Variants in TRAM2 observed in about 807,000 individuals in gnomAD.
The protein encoded by TRAM2 is translocating chain-associated membrane protein 2.
TRAM2 carries 12 observed loss-of-function variants against 51.0 expected under a neutral mutation model. That is an observed-to-expected ratio of 0.24 (90% CI 0.15 to 0.38). TRAM2 has a LOEUF of 0.38. TRAM2 is among the 10% of genes least tolerant of loss of function. The pLI is 1.00. For synonymous variants in TRAM2, 175 were observed against 179.4 expected (o/e 0.98, Z 0.20); for missense variants, 361 against 462.0 (o/e 0.78, Z 2.00).
At chr6:52,564,232 G>A (rs950337195) in intron 1 of TRAM2, among the ~76,000 whole-genome samples, 14 of 152,128 alleles carry the variant, frequency 9.2e-5, no homozygotes, top group Admixed American at 2.6e-4. Flanking sequence ...CAAGTGCAAG[G>A]AGCCATGCCC....
chr6:52,505,843 G>A, intron 8 of TRAM2, 101 bp from the exon 9 acceptor site: 1 of 1,495,770 alleles, frequency 6.7e-7, no homozygotes. Context: ...AGGATTCAAG[G>A]GTGGCTGGGG....
At chr6:52,505,801 CCACTTCTCCAGAAGAGA>C in intron 8 of TRAM2, 59 bp from the exon 9 acceptor site, 1 of 1,546,034 alleles carries the variant, frequency 6.5e-7, no homozygotes, top group Non-Finnish European at 8.7e-7. Context: ...GAATCTTCAC[CCACTTCTCCAGAAGAGA>C]CCCCGAGTGG....
In TRAM2 at chr6:52,577,016, C is replaced by G. The variant is rs1352578806; in HGVS notation, c.-101G>C. 4.7e-6 allele frequency: 6 copies of G among 1,288,132 alleles called. No individual in the cohort carries two copies. In the East Asian group the frequency reaches 2.0e-4, roughly 43 times the overall value. 79.8% of individuals were successfully genotyped at this position (1,288,132 alleles called of 1,614,324 possible). On this transcript the variant is annotated 5_prime_UTR_variant, in exon 1 of 11. Transcript: ENST00000182527. ...GCCCGGTCCGCCCGCCGGCCCGCCG[C>G]CCGCTCTCCCACAGCCGCTCGCCCG... is the stretch of plus-strand genomic sequence containing the variant.
chr6:52,530,330 T>C (rs1766864536), intron 2 of TRAM2, among the ~76,000 whole-genome samples: 1 of 152,178 alleles, frequency 6.6e-6, no homozygotes, highest in African/African-American at 2.4e-5. Flanking sequence ...ACTGTGTGCA[T>C]CTCTCTGAAT....
At chr6:52,549,915 T>C (rs1376786117) in intron 1 of TRAM2, among the ~76,000 whole-genome samples, 1 of 152,204 alleles carries the variant, frequency 6.6e-6, no homozygotes, top group Admixed American at 6.5e-5. Flanking sequence ...AAAGTCCTAT[T>C]CTCAGAGATG....
At position 52,507,543 on chromosome 6, in the gene TRAM2, T is replaced by G; in HGVS notation, c.626+10A>C. The G allele has an allele frequency of 6.2e-7, 1 of 1,613,854 alleles. No homozygotes were observed. On this transcript the variant is annotated intron_variant, in intron 7 of 10. Coordinates refer to ENST00000182527, the MANE Select transcript of TRAM2 (RefSeq NM_012288.4). ...CAAGGAAATCTGGCTGGCTCCATGG[T>G]CTCACTCACTTTAAGAGGTATGCTC...
At chr6:52,508,020 T>G (rs1766380519) in intron 6 of TRAM2, among the ~76,000 whole-genome samples, 1 of 152,232 alleles carries the variant, frequency 6.6e-6, no homozygotes, top group African/African-American at 2.4e-5. Context: ...GCCACAGGTC[T>G]GGTGGAAGAG....
At chr6:52,508,114 T>C (rs1766382094) in intron 6 of TRAM2, 120 bp downstream of exon 6, 2 of 895,842 alleles carry the variant, frequency 2.2e-6, no homozygotes, top group Non-Finnish European at 3.4e-6. Context: ...CCCCAACATA[T>C]TCCTATCACC....
At position 52,505,684 on chromosome 6, in the gene TRAM2, C is replaced by G. The variant is rs377045665; in HGVS notation, c.790G>C (p.Val264Leu). ...GCCAGTCCAAAGCCAATGGCCAGCACGGCAAGGGTGAGGATGAAGAGGCGG... is the reference window on the plus strand; with the variant it reads ...GCCAGTCCAAAGCCAATGGCCAGCAGGGCAAGGGTGAGGATGAAGAGGCGG... ...VTRLFILTLA[V>L]LAIGFGLARM... Residue 264 changes from valine (V) to leucine (L), a missense_variant, in exon 9 of 11, where the codon GTG becomes CTG. Val to Leu is a conservative substitution (Grantham distance 32). Coordinates refer to ENST00000182527, the MANE Select transcript of TRAM2 (RefSeq NM_012288.4). 9.3e-6 allele frequency: 15 copies of G among 1,613,616 alleles called. No individual in the cohort carries two copies. The highest frequency in any genetic ancestry group is 5.0e-5 in the Admixed American group (3 of 59,974).
At chr6:52,571,449 C>T (rs923617238) in intron 1 of TRAM2, among the ~76,000 whole-genome samples, 7 of 152,170 alleles carry the variant, frequency 4.6e-5, no homozygotes, top group African/African-American at 1.7e-4. Context: ...ACAGCGCCCT[C>T]GAGAAACGAG....
intron 1 of TRAM2, among the ~76,000 whole-genome samples, chr6:52,536,604 A>G (rs931826732): frequency 6.6e-6 from 1 of 152,158 alleles, no homozygotes; most frequent in Non-Finnish European, 1.5e-5. Context: ...CTTGCTATGT[A>G]TCTACCAGCA....
intron 2 of TRAM2, among the ~76,000 whole-genome samples, chr6:52,521,038 G>A (rs1029600950): frequency 3.9e-5 from 6 of 152,076 alleles, no homozygotes; most frequent in Non-Finnish European, 7.4e-5. Context: ...AAGTAGCTGG[G>A]ATTACAGGCG....
chr6:52,511,263 C>T (rs1415655162), intron 4 of TRAM2, among the ~76,000 whole-genome samples: 3 of 152,170 alleles, frequency 2.0e-5, no homozygotes, highest in Admixed American at 6.5e-5. Context: ...CAACACCACA[C>T]CCGGCTATTT....
intron 4 of TRAM2, among the ~76,000 whole-genome samples, chr6:52,515,480 G>A (rs1429762042): frequency 6.6e-6 from 1 of 152,246 alleles, no homozygotes; most frequent in Non-Finnish European, 1.5e-5. Flanking sequence ...CTGACAGAGT[G>A]AGGCTGGCCT....
intron 1 of TRAM2, among the ~76,000 whole-genome samples, chr6:52,542,916 A>G (rs1181734159): frequency 6.6e-6 from 1 of 152,226 alleles, no homozygotes; most frequent in Non-Finnish European, 1.5e-5. Flanking sequence ...ACTTGCCATA[A>G]TATACATCCC....
At chr6:52,556,829 G>A (rs151216274) in intron 1 of TRAM2, among the ~76,000 whole-genome samples, 1,576 of 151,746 alleles carry the variant, frequency 0.01, 28 homozygotes, top group African/African-American at 0.036. Context: ...TCGGGAGGCC[G>A]AGGCAGGGGA....
At chr6:52,565,763 G>A (rs552560159) in intron 1 of TRAM2, among the ~76,000 whole-genome samples, 17 of 152,306 alleles carry the variant, frequency 1.1e-4, no homozygotes, top group Middle Eastern at 3.4e-3. Context: ...AGTACATAGC[G>A]AGTGCTAAGT....
intron 10 of TRAM2, 129 bp downstream of exon 10, chr6:52,504,462 A>G: frequency 6.8e-7 from 1 of 1,474,604 alleles, no homozygotes; most frequent in Non-Finnish European, 9.0e-7. Flanking sequence ...CCCTGAGGTA[A>G]GAGTCAGGAA....
chr6:52,526,123 A>C (rs1766772643), intron 2 of TRAM2, among the ~76,000 whole-genome samples: 1 of 148,932 alleles, frequency 6.7e-6, no homozygotes, highest in African/African-American at 2.5e-5. Flanking sequence ...GTACTTTGTT[A>C]TGGCCATCCT....
Sources: allele counts gnomAD v4.1 joint callset (sites outside exome capture counted in the v4.1 genomes callset), GRCh38; gene constraint gnomAD v4.1.1; transcripts MANE v1.5; gene names NCBI Gene and HGNC (gene_info 2026-07-23, HGNC 2026-07-21).